The following APLF variants were observed in gnomAD, a reference collection of about 807,000 sequenced individuals.
APLF encodes aprataxin and PNKP like factor, also known as aprataxin and PNK-like factor.
A neutral mutation model predicts 55.6 loss-of-function variants in APLF; 61 were observed. The observed-to-expected ratio is 1.10, with a 90% confidence interval of 0.89 to 1.36. The LOEUF is 1.36. Ranked by LOEUF, APLF falls within the 40% of genes most tolerant of loss-of-function variation. The pLI is 0.00. For missense variants in APLF, 611 were observed against 602.5 expected (o/e 1.01, Z -0.15); for synonymous variants, 207 against 214.8 (o/e 0.96, Z 0.32).
At chr2:68,477,625 G>A (rs1675819581) in intron 1 of APLF, among the ~76,000 whole-genome samples, 1 of 152,176 alleles carries the variant, frequency 6.6e-6, no homozygotes, top group Non-Finnish European at 1.5e-5. Context: ...GAGTGACAGA[G>A]TGAGACCCTG....
chr2:68,533,321 T>A (rs577896179), intron 6 of APLF, among the ~76,000 whole-genome samples: 1 of 152,312 alleles, frequency 6.6e-6, no homozygotes, highest in East Asian at 1.9e-4. Context: ...AGACTATGTA[T>A]TTCCTTTATA....
intron 6 of APLF, among the ~76,000 whole-genome samples, chr2:68,534,069 A>G (rs1277034492): frequency 1.3e-5 from 2 of 152,216 alleles, no homozygotes; most frequent in Non-Finnish European, 2.9e-5. Flanking sequence ...GAAGTATTGG[A>G]TTATAAAAGT....
intron 5 of APLF, among the ~76,000 whole-genome samples, chr2:68,518,426 TTATTATATAATATATAATAATATATTATA>T (rs1669728506): frequency 2.7e-5 from 3 of 112,134 alleles, no homozygotes; most frequent in Non-Finnish European, 4.9e-5. Context: ...ATATAATAAT[TTATTATATAATATATAATAATATATTATA>T]TATTATATAA....
rs772485914 is a variant in APLF, at chr2:68,513,122, A to T, written c.384A>T (p.Thr128=). 1 of 1,611,118 alleles carries T rather than the reference A, an allele frequency of 6.2e-7. No homozygotes were observed. The highest frequency in any genetic ancestry group is 8.5e-7 in the Non-Finnish European group (1 of 1,178,144). Residue 128 remains threonine (T), a synonymous_variant, in exon 4 of 10, where the codon ACA becomes ACT. Transcript: ENST00000303795. The part of the protein sequence containing the change: ...VLDEDNILNE[T]PKSPVINLPH... ...ATGAAGATAATATATTGAATGAAAC[A>T]CCAAAATCCCCCGTGATTAATTTAC... is the stretch of plus-strand genomic sequence containing the variant.
At chr2:68,514,012 A>T (rs1268246349) in intron 5 of APLF, among the ~76,000 whole-genome samples, 4 of 151,918 alleles carry the variant, frequency 2.6e-5, no homozygotes, top group South Asian at 4.1e-4. Context: ...TTTGATTTTT[A>T]AAAATGCCAG....
chr2:68,516,412 A>G (rs1430046445), intron 5 of APLF, among the ~76,000 whole-genome samples: 1 of 150,908 alleles, frequency 6.6e-6, no homozygotes, highest in African/African-American at 2.4e-5. Context: ...AATACAGTTT[A>G]TTATTATTAT....
At chr2:68,499,085 A>G (rs934779574) in intron 2 of APLF, among the ~76,000 whole-genome samples, 1 of 152,162 alleles carries the variant, frequency 6.6e-6, no homozygotes, top group Admixed American at 6.5e-5. Context: ...GGGGGTATAC[A>G]TCTATCATTC....
At chr2:68,508,827 A>C (rs1426907938) in intron 3 of APLF, among the ~76,000 whole-genome samples, 3 of 152,150 alleles carry the variant, frequency 2.0e-5, no homozygotes, top group Non-Finnish European at 2.9e-5. Flanking sequence ...ACTATACTAC[A>C]AGCCTACAGT....
At chr2:68,520,389 T>A (rs1558540757) in intron 5 of APLF, among the ~76,000 whole-genome samples, 1 of 151,976 alleles carries the variant, frequency 6.6e-6, no homozygotes, top group African/African-American at 2.4e-5. Context: ...AGTCTTTTCC[T>A]AAGCCAATTT....
At chr2:68,489,108 A>G (rs1676277009) in intron 1 of APLF, among the ~76,000 whole-genome samples, 1 of 152,340 alleles carries the variant, frequency 6.6e-6, no homozygotes, top group African/African-American at 2.4e-5. Context: ...ATTGTGAAAA[A>G]TTCATTCATG....
Position 68,538,143 on chromosome 2 carries a change from C to T in APLF, c.1076C>T (p.Ala359Val), listed in dbSNP as rs779716026. ...SNPSNPETLH[A>V]KATDSVLQGS... ...CCCTCCAATCCTGAAACTTTGCATGCAAAGGCAACTGATTCAGTTCTACAA... is the reference window on the plus strand; with the variant it reads ...CCCTCCAATCCTGAAACTTTGCATGTAAAGGCAACTGATTCAGTTCTACAA... Residue 359 changes from alanine (A) to valine (V), a missense_variant, in exon 7 of 10, where the codon GCA becomes GTA. Physicochemically the swap from Ala to Val is moderately conservative, Grantham distance 64 (BLOSUM62 0). Coordinates refer to ENST00000303795, the MANE Select transcript of APLF (RefSeq NM_173545.3). 18 of 1,613,880 alleles carry T rather than the reference C, an allele frequency of 1.1e-5. No homozygotes were observed. Among genetic ancestry groups the T allele is most frequent in the Middle Eastern group, 1.6e-4 (1 of 6,082 alleles).
chr2:68,479,549 G>A (rs574362442), intron 1 of APLF, among the ~76,000 whole-genome samples: 9 of 152,342 alleles, frequency 5.9e-5, no homozygotes, highest in Non-Finnish European at 8.8e-5. Context: ...AGGAAGACAT[G>A]TAGAAGCAGC....
rs1477713835 is a variant in APLF at position 68,567,364 on chromosome 2, A to G, written c.1310A>G (p.Glu437Gly). 6.2e-7 allele frequency: 1 copy of G among 1,605,952 alleles called. No individual in the cohort carries two copies. Among genetic ancestry groups the G allele is most frequent in the Non-Finnish European group, 8.5e-7 (1 of 1,176,298 alleles). ...CYRKNPQHKI[E>G]YRHNTLPVRN... ...AGGAAGAATCCCCAGCACAAGATAG[A>G]ATATAGACATAATACGCTTCCAGGT... Residue 437 changes from glutamate to glycine, a missense_variant, in exon 9 of 10, where the codon GAA (glutamate) becomes GGA (glycine). Coordinates refer to ENST00000303795, the MANE Select transcript of APLF (RefSeq NM_173545.3).
intron 2 of APLF, among the ~76,000 whole-genome samples, chr2:68,501,727 A>G (rs1313821296): frequency 1.3e-5 from 2 of 152,164 alleles, no homozygotes; most frequent in Non-Finnish European, 2.9e-5. Context: ...TTGAATGTGG[A>G]TGGTCTTCAT....
chr2:68,545,657 G>T (rs981401759), intron 8 of APLF, among the ~76,000 whole-genome samples: 1 of 152,112 alleles, frequency 6.6e-6, no homozygotes, highest in African/African-American at 2.4e-5. Context: ...TGTTATCTCT[G>T]CATCCCTCTG....
intron 5 of APLF, among the ~76,000 whole-genome samples, chr2:68,517,202 AAT>A (rs561243323): frequency 0.02 from 2,519 of 124,548 alleles, 55 homozygotes; most frequent in Middle Eastern, 0.056. Flanking sequence ...ATAATATATT[AAT>A]ATATGTTATT....
chr2:68,515,857 T>C, intron 5 of APLF: 1 of 549,138 alleles, frequency 1.8e-6, no homozygotes, highest in Non-Finnish European at 2.3e-6. Context: ...ATCCTGCTAA[T>C]TAAAAGTTAA....
rs1253942419 is a variant in APLF, at chr2:68,473,855, T to A, written c.96+6028T>A. 2.0e-5 allele frequency among the ~76,000 whole-genome samples: 3 copies of A among 152,216 alleles called. No homozygotes were observed. In the East Asian group the frequency reaches 5.8e-4, roughly 29 times the overall value. On this transcript the variant is annotated intron_variant, in intron 1 of 9. Transcript: ENST00000303795. ...GGTCACTTTTACAGCAGACATCAAC[T>A]GGGTGTCCTCTAATTCAATTTAATT... is the stretch of plus-strand genomic sequence containing the variant.
intron 5 of APLF, among the ~76,000 whole-genome samples, chr2:68,519,089 TA>T (rs1669806788): frequency 8.0e-6 from 1 of 124,798 alleles, no homozygotes; most frequent in South Asian, 2.3e-4. Context: ...AATATATAAT[TA>T]ATATATAATA....
Sources: allele counts gnomAD v4.1 joint callset (sites outside exome capture counted in the v4.1 genomes callset), GRCh38; gene constraint gnomAD v4.1.1; transcripts MANE v1.5; gene names NCBI Gene and HGNC (gene_info 2026-07-23, HGNC 2026-07-21).